Variants in DENND1B observed in about 807,000 individuals in gnomAD.
DENND1B encodes DENN domain-containing protein 1B.
A neutral mutation model predicts 90.1 loss-of-function variants in DENND1B; 59 were observed. That is an observed-to-expected ratio of 0.65 (90% CI 0.53 to 0.81). The LOEUF is 0.81. Ranked by LOEUF, DENND1B falls within the 40% of genes least tolerant of loss-of-function variation. DENND1B has a pLI of 0.00. For synonymous variants in DENND1B, 337 were observed against 324.6 expected (o/e 1.04, Z -0.41); for missense variants, 862 against 912.6 (o/e 0.94, Z 0.71).
At chr1:197,517,189 G>T (rs1436002809) in intron 20 of DENND1B, among the ~76,000 whole-genome samples, 1 of 151,890 alleles carries the variant, frequency 6.6e-6, no homozygotes, top group Non-Finnish European at 1.5e-5. Flanking sequence ...GGTGTTTGTG[G>T]ATTAAAGAGA....
At chr1:197,607,018 T>C (rs1384393896) in intron 13 of DENND1B, 55 bp downstream of exon 13, 2 of 1,324,978 alleles carry the variant, frequency 1.5e-6, no homozygotes, top group Non-Finnish European at 2.1e-6. Context: ...ACTTAGTAAT[T>C]CAGAGGTCCA....
chr1:197,749,720 A>AT lies in DENND1B; in HGVS notation c.82+23147dup, dbSNP rs572219658. Among the ~76,000 whole-genome samples, 1,399 of 150,866 alleles carry AT rather than the reference A, an allele frequency of 9.3e-3. 15 individuals are homozygous for AT. The highest frequency in any genetic ancestry group is 0.015 in the Non-Finnish European group (992 of 67,650). ...AAATGGTAAATAGTAGGTACATAAGATTTTTTTTTTCATTTCTTAACTTTT... is the reference window on the plus strand; with the variant it reads ...AAATGGTAAATAGTAGGTACATAAGATTTTTTTTTTTCATTTCTTAACTTTT... On this transcript the variant is annotated intron_variant, in intron 2 of 22. Transcript: ENST00000620048.
intron 13 of DENND1B, among the ~76,000 whole-genome samples, chr1:197,602,658 C>T (rs1676311686): frequency 1.3e-5 from 2 of 151,004 alleles, no homozygotes; most frequent in South Asian, 4.2e-4. Context: ...AGGAAATATT[C>T]AATGAATTAA....
chr1:197,519,011 C>T (rs990896661), intron 20 of DENND1B, among the ~76,000 whole-genome samples: 3 of 151,872 alleles, frequency 2.0e-5, no homozygotes, highest in African/African-American at 7.2e-5. Context: ...TAGAAATTAA[C>T]TTGTGAAAGA....
At chr1:197,640,604 G>GT (rs1316625863) in intron 10 of DENND1B, among the ~76,000 whole-genome samples, 17 of 151,910 alleles carry the variant, frequency 1.1e-4, no homozygotes, top group African/African-American at 2.2e-4. Flanking sequence ...TCAACCCTAT[G>GT]AGATTAAGGC....
upstream of DENND1B, among the ~76,000 whole-genome samples, chr1:197,777,491 C>T (rs6697514): frequency 3.8e-3 from 571 of 152,260 alleles, 1 homozygote; most frequent in African/African-American, 0.013. Flanking sequence ...TGTACATGAT[C>T]TACATGCATG....
intron 15 of DENND1B, among the ~76,000 whole-genome samples, chr1:197,574,672 C>T (rs142972599): frequency 0.022 from 3,344 of 152,196 alleles, 114 homozygotes; most frequent in African/African-American, 0.074. Context: ...GGAGGCATCA[C>T]GCTACCTAAC....
chr1:197,780,420 G>A (rs927236140), upstream of DENND1B, among the ~76,000 whole-genome samples: 4 of 151,588 alleles, frequency 2.6e-5, no homozygotes, highest in Non-Finnish European at 4.4e-5. Flanking sequence ...CCACCTCCTG[G>A]GTTCAAGCAA....
At chr1:197,530,078 G>T (rs543158182) in intron 20 of DENND1B, among the ~76,000 whole-genome samples, 1 of 152,250 alleles carries the variant, frequency 6.6e-6, no homozygotes, top group South Asian at 2.1e-4. Context: ...TCAACAAAAC[G>T]AGCAACAGCC....
intron 3 of DENND1B, among the ~76,000 whole-genome samples, chr1:197,706,754 T>G (rs1020666491): frequency 1.3e-5 from 2 of 152,106 alleles, no homozygotes; most frequent in African/African-American, 4.8e-5. Flanking sequence ...ACAATAGTTA[T>G]CATCAAAGAG....
chr1:197,613,396 T>C (rs905437056), intron 11 of DENND1B, among the ~76,000 whole-genome samples: 1 of 150,880 alleles, frequency 6.6e-6, no homozygotes, highest in Non-Finnish European at 1.5e-5. Flanking sequence ...CCAGTTGTCT[T>C]TGCCCTTTGT....
intron 10 of DENND1B, among the ~76,000 whole-genome samples, chr1:197,640,611 A>G (rs1295271413): frequency 1.2e-4 from 18 of 152,194 alleles, no homozygotes; most frequent in African/African-American, 2.4e-4. Context: ...TATGAGATTA[A>G]GGCTACTATT....
upstream of DENND1B, among the ~76,000 whole-genome samples, chr1:197,777,813 T>A (rs1657338306): frequency 6.6e-6 from 1 of 152,174 alleles, no homozygotes; most frequent in African/African-American, 2.4e-5. Flanking sequence ...TTAATTAATT[T>A]AGTTAATTTT....
At chr1:197,588,423 T>C (rs973210189) in intron 14 of DENND1B, among the ~76,000 whole-genome samples, 7 of 152,122 alleles carry the variant, frequency 4.6e-5, no homozygotes, top group African/African-American at 1.7e-4. Context: ...TATCAGGACG[T>C]GTATGACTTA....
intron 2 of DENND1B, among the ~76,000 whole-genome samples, chr1:197,768,392 T>G (rs992163121): frequency 9.2e-5 from 14 of 152,236 alleles, no homozygotes; most frequent in African/African-American, 2.9e-4. Flanking sequence ...TACCCAATCT[T>G]TTATTGACGA....
intron 7 of DENND1B, 145 bp from the exon 8 acceptor site, chr1:197,647,259 T>G: frequency 2.3e-6 from 1 of 430,176 alleles, no homozygotes. Context: ...AAGTATTATT[T>G]TAAATGCTGA....
At chr1:197,587,555 T>C (rs1674808369) in intron 14 of DENND1B, among the ~76,000 whole-genome samples, 1 of 152,192 alleles carries the variant, frequency 6.6e-6, no homozygotes, top group Non-Finnish European at 1.5e-5. Flanking sequence ...TTTTCTGCCA[T>C]ACATTCAAGG....
At chr1:197,686,808 T>C (rs373012147) in intron 3 of DENND1B, among the ~76,000 whole-genome samples, 2 of 151,990 alleles carry the variant, frequency 1.3e-5, no homozygotes, top group African/African-American at 4.8e-5. Flanking sequence ...GTGTTCCCTC[T>C]GGACTCTGTA....
At chr1:197,616,509 C>T (rs1199026442) in intron 11 of DENND1B, among the ~76,000 whole-genome samples, 1 of 151,022 alleles carries the variant, frequency 6.6e-6, no homozygotes, top group Admixed American at 6.6e-5. Context: ...TCACTGGGCA[C>T]CTACTTCACA....
Sources: gnomAD v4.1 joint callset for allele counts (sites outside exome capture counted in the v4.1 genomes callset) on GRCh38, gnomAD v4.1.1 for gene constraint, MANE v1.5 for transcripts, NCBI Gene and HGNC (gene_info 2026-07-23, HGNC 2026-07-21) for gene names.